CPQ: variants seen among roughly 807,000 people sequenced by gnomAD.
The protein encoded by CPQ is Ser-Met dipeptidase.
Under a neutral mutation model 45.7 loss-of-function variants are expected in CPQ, and 37 were observed. The ratio of observed to expected loss-of-function variants is 0.81; its 90% confidence interval spans 0.62 to 1.07. The LOEUF is 1.07. Among genes scored for constraint, CPQ ranks in the 50% least tolerant of loss-of-function variants. CPQ has a pLI of 0.00. For missense variants in CPQ, 537 were observed against 572.9 expected (o/e 0.94, Z 0.64); for synonymous variants, 186 against 205.8 (o/e 0.90, Z 0.82).
intron 5 of CPQ, among the ~76,000 whole-genome samples, chr8:96,992,412 A>G (rs1352246712): frequency 6.6e-6 from 1 of 152,104 alleles, no homozygotes; most frequent in Non-Finnish European, 1.5e-5. Context: ...ACATGGGACA[A>G]TGTAGCTACA....
intron 4 of CPQ, among the ~76,000 whole-genome samples, chr8:96,907,305 A>T (rs1053704024): frequency 6.6e-6 from 1 of 152,164 alleles, no homozygotes; most frequent in African/African-American, 2.4e-5. Flanking sequence ...GCCATCATTT[A>T]CTTTGCAGAA....
intron 2 of CPQ, among the ~76,000 whole-genome samples, chr8:96,822,263 A>C (rs981866413): frequency 6.6e-6 from 1 of 151,976 alleles, no homozygotes; most frequent in African/African-American, 2.4e-5. Flanking sequence ...TAGTAATTCC[A>C]TTGTGCCTAT....
At chr8:96,861,518 G>A (rs1006271644) in intron 3 of CPQ, among the ~76,000 whole-genome samples, 4 of 152,084 alleles carry the variant, frequency 2.6e-5, no homozygotes, top group Non-Finnish European at 4.4e-5. Flanking sequence ...TACATGACGA[G>A]GATGTCACTG....
At chr8:97,035,701 TA>T (rs796281577) in intron 6 of CPQ, among the ~76,000 whole-genome samples, 22 of 12,076 alleles carry the variant, frequency 1.8e-3, no homozygotes, top group East Asian at 6.3e-3. Flanking sequence ...TGTTTGTTTG[TA>T]TTGTTTTGTT....
intron 6 of CPQ, among the ~76,000 whole-genome samples, chr8:97,063,697 T>A (rs1379733374): frequency 6.6e-6 from 1 of 152,168 alleles, no homozygotes; most frequent in African/African-American, 2.4e-5. Flanking sequence ...TAGTCAGTTA[T>A]CCCATCATCC....
At chr8:96,976,075 T>C (rs1813774919) in intron 5 of CPQ, among the ~76,000 whole-genome samples, 1 of 151,960 alleles carries the variant, frequency 6.6e-6, no homozygotes, top group Non-Finnish European at 1.5e-5. Flanking sequence ...GATATGATTG[T>C]ATATGTAGAA....
At chr8:96,919,276 T>C (rs540221433) in intron 4 of CPQ, among the ~76,000 whole-genome samples, 2 of 152,152 alleles carry the variant, frequency 1.3e-5, no homozygotes, top group Non-Finnish European at 2.9e-5. Context: ...AAGGTACTCC[T>C]GAATCTTCCA....
chr8:96,833,660 G>A (rs1481941865), intron 2 of CPQ, among the ~76,000 whole-genome samples: 1 of 152,096 alleles, frequency 6.6e-6, no homozygotes, highest in African/African-American at 2.4e-5. Flanking sequence ...TATGAAAAAA[G>A]CTGGTGGTTT....
chr8:96,797,381 C>T (rs534074637), intron 2 of CPQ, among the ~76,000 whole-genome samples: 4 of 152,226 alleles, frequency 2.6e-5, no homozygotes, highest in African/African-American at 9.6e-5. Flanking sequence ...CATTATGTCC[C>T]TTAATCAACA....
At chr8:97,019,947 A>G (rs1809648017) in intron 5 of CPQ, among the ~76,000 whole-genome samples, 2 of 152,180 alleles carry the variant, frequency 1.3e-5, no homozygotes. Flanking sequence ...AGCACATGGA[A>G]CTTTCTCCAA....
intron 1 of CPQ, among the ~76,000 whole-genome samples, chr8:96,766,176 T>C (rs777958009): frequency 8.5e-5 from 13 of 152,128 alleles, no homozygotes; most frequent in Non-Finnish European, 1.5e-4. Context: ...AGATGAGATA[T>C]AGAAAAGCCC....
At chr8:97,112,913 G>A (rs749546717) in intron 7 of CPQ, among the ~76,000 whole-genome samples, 3 of 152,226 alleles carry the variant, frequency 2.0e-5, no homozygotes, top group Non-Finnish European at 4.4e-5. Flanking sequence ...ACTAGAAGCT[G>A]CAGATCTAGG....
chr8:97,055,297 T>C (rs548622670), intron 6 of CPQ, among the ~76,000 whole-genome samples: 4 of 152,206 alleles, frequency 2.6e-5, no homozygotes, highest in Non-Finnish European at 5.9e-5. Context: ...CCAGGGCTAT[T>C]GTTGCCACCA....
At chr8:96,657,724 T>C (rs568768379) in intron 1 of CPQ, among the ~76,000 whole-genome samples, 1 of 152,362 alleles carries the variant, frequency 6.6e-6, no homozygotes, top group South Asian at 2.1e-4. Flanking sequence ...ATGAAGACTT[T>C]AGTGAATTCC....
At chr8:96,855,501 T>C (rs929746575) in intron 3 of CPQ, among the ~76,000 whole-genome samples, 6 of 152,204 alleles carry the variant, frequency 3.9e-5, no homozygotes, top group African/African-American at 1.4e-4. Flanking sequence ...CATTCATCCA[T>C]TCATTCATTC....
intron 1 of CPQ, among the ~76,000 whole-genome samples, chr8:96,783,655 C>A (rs984117446): frequency 1.3e-5 from 2 of 152,136 alleles, no homozygotes; most frequent in Admixed American, 1.3e-4. Flanking sequence ...AAAAAAGTGT[C>A]TAAACCAGTG....
Position 96,717,024 on chromosome 8 carries a change from AATATATATATATATATATATATATAT to A in CPQ, c.-34-67812_-34-67787del, listed in dbSNP as rs58338307. 2.7e-3 allele frequency among the ~76,000 whole-genome samples: 150 copies of A among 56,564 alleles called. 5 individuals carry two copies. The highest frequency in any genetic ancestry group is 0.025 in the East Asian group (37 of 1,496). The allele number at this position is 56,564 out of a possible 152,430, so 37.1% of individuals were successfully genotyped here. ...TGGCTGAGCAGTATTCCATGATATA[AATATATATATATATATATATATATAT>A]ATATATATATATATATATATATATA... On this transcript the variant is annotated intron_variant, in intron 1 of 7. Coordinates refer to ENST00000220763, the MANE Select transcript of CPQ (RefSeq NM_016134.4).
chr8:96,695,810 T>A (rs2130741072), intron 1 of CPQ, among the ~76,000 whole-genome samples: 1 of 151,040 alleles, frequency 6.6e-6, no homozygotes, highest in African/African-American at 2.5e-5. Context: ...GGAGAGGATG[T>A]GGAGAAATAG....
intron 1 of CPQ, among the ~76,000 whole-genome samples, chr8:96,716,692 G>C (rs1053406539): frequency 6.6e-6 from 1 of 152,108 alleles, no homozygotes; most frequent in African/African-American, 2.4e-5. Context: ...CAGATCACCT[G>C]AGGTCAGGAG....
Sources: allele counts gnomAD v4.1 joint callset (sites outside exome capture counted in the v4.1 genomes callset), GRCh38; gene constraint gnomAD v4.1.1; transcripts MANE v1.5; gene names NCBI Gene and HGNC (gene_info 2026-07-23, HGNC 2026-07-21).